Variants in NFIB observed in about 807,000 individuals in gnomAD.
NFIB encodes the protein nuclear factor I B, also known as nuclear factor 1 B-type.
A neutral mutation model predicts 61.5 loss-of-function variants in NFIB; 11 were observed. The ratio of observed to expected loss-of-function variants is 0.18; its 90% CI spans 0.11 to 0.30. NFIB has a LOEUF of 0.30. NFIB is among the 10% of genes least tolerant of loss of function. The pLI is 1.00. For missense variants in NFIB, 471 were observed against 608.9 expected (o/e 0.77, Z 2.38); for synonymous variants, 260 against 216.5 (o/e 1.20, Z -1.76).
intron 1 of NFIB, among the ~76,000 whole-genome samples, chr9:14,338,115 C>G (rs1462336793): frequency 6.6e-6 from 1 of 152,156 alleles, no homozygotes; most frequent in Non-Finnish European, 1.5e-5. Context: ...AAATACGTAG[C>G]CGGGCGCAGT....
chr9:14,499,943 G>A, the NFIB span, among the ~76,000 whole-genome samples: 3 of 152,202 alleles, frequency 2.0e-5, no homozygotes, highest in Admixed American at 6.5e-5. Context: ...TGGTTAATGA[G>A]TGCTTCCTTG....
intron 4 of NFIB, among the ~76,000 whole-genome samples, chr9:14,154,179 T>C (rs2043143872): frequency 6.6e-6 from 1 of 152,166 alleles, no homozygotes; most frequent in South Asian, 2.1e-4. Flanking sequence ...GGTTCTAATG[T>C]GGTTCTCCTT....
upstream of NFIB, among the ~76,000 whole-genome samples, chr9:14,402,857 A>T (rs890795092): frequency 2.0e-5 from 3 of 152,232 alleles, no homozygotes; most frequent in African/African-American, 4.8e-5. Flanking sequence ...AATTTAAAAA[A>T]TAATACTTTT....
the NFIB span, among the ~76,000 whole-genome samples, chr9:14,454,024 G>A: frequency 1.3e-5 from 2 of 152,132 alleles, no homozygotes; most frequent in Admixed American, 6.5e-5. Flanking sequence ...AGCCGAGATC[G>A]CGCCACTGCA....
At chr9:14,428,885 G>A in the NFIB span, among the ~76,000 whole-genome samples, 1 of 152,048 alleles carries the variant, frequency 6.6e-6, no homozygotes, top group Non-Finnish European at 1.5e-5. Context: ...CCTGGGCCAG[G>A]AATCCTTGGA....
At chr9:14,502,905 C>T in the NFIB span, among the ~76,000 whole-genome samples, 1 of 151,988 alleles carries the variant, frequency 6.6e-6, no homozygotes, top group African/African-American at 2.4e-5. Flanking sequence ...TCCCCAAAAT[C>T]CATTGTATCA....
chr9:14,347,955 C>A (rs943388374), intron 1 of NFIB, among the ~76,000 whole-genome samples: 13 of 152,188 alleles, frequency 8.5e-5, no homozygotes, highest in Admixed American at 4.6e-4. Flanking sequence ...TGTCTGGTCT[C>A]CGCGCACCAC....
intron 2 of NFIB, among the ~76,000 whole-genome samples, chr9:14,261,103 T>C (rs374238361): frequency 1.4e-4 from 21 of 152,268 alleles, no homozygotes; most frequent in East Asian, 1.2e-3. Flanking sequence ...GATCACCTGA[T>C]GTCAGGAATT....
chr9:14,225,837 G>A (rs7035453), intron 2 of NFIB, among the ~76,000 whole-genome samples: 45,035 of 151,876 alleles, frequency 0.3, 9,856 homozygotes, highest in African/African-American at 0.59. Flanking sequence ...GTTTTTTAAT[G>A]ATTTTTTTCT....
chr9:14,370,825 T>G (rs965019793), intron 1 of NFIB, among the ~76,000 whole-genome samples: 1 of 152,262 alleles, frequency 6.6e-6, no homozygotes, highest in African/African-American at 2.4e-5. Context: ...CTGGGCACAG[T>G]GGCTCATGCC....
chr9:14,109,207 TA>T, intron 10 of NFIB, among the ~76,000 whole-genome samples: 1 of 152,202 alleles, frequency 6.6e-6, no homozygotes, highest in South Asian at 2.1e-4. Flanking sequence ...GACTGAATTA[TA>T]AAATAATTTC....
chr9:14,233,699 G>A (rs998160064), intron 2 of NFIB, among the ~76,000 whole-genome samples: 1 of 151,996 alleles, frequency 6.6e-6, no homozygotes, highest in East Asian at 1.9e-4. Flanking sequence ...CAAAGTGCTG[G>A]GATTACAGGC....
chr9:14,500,915 G>C, the NFIB span, among the ~76,000 whole-genome samples: 1 of 152,126 alleles, frequency 6.6e-6, no homozygotes, highest in Admixed American at 6.6e-5. Flanking sequence ...AGCCTCTCTC[G>C]TTAAGTCTCC....
chr9:14,204,463 G>A (rs1420934793), intron 2 of NFIB: 1 of 1,050,678 alleles, frequency 9.5e-7, no homozygotes, highest in African/African-American at 1.6e-5. Flanking sequence ...TCCTCTATAA[G>A]CGACTGAAAA....
intron 1 of NFIB, among the ~76,000 whole-genome samples, chr9:14,372,751 C>T (rs2061372535): frequency 6.6e-6 from 1 of 152,086 alleles, no homozygotes; most frequent in South Asian, 2.1e-4. Context: ...TTGCAGTGTC[C>T]CTTTGAGTTG....
intron 9 of NFIB, among the ~76,000 whole-genome samples, chr9:14,115,549 T>G (rs1181273426): frequency 1.3e-5 from 2 of 152,126 alleles, no homozygotes; most frequent in African/African-American, 4.8e-5. Context: ...CTCTGACATT[T>G]AAATGTTATG....
Position 14,138,212 on chromosome 9 carries a change from G to T in NFIB, c.925+8477C>A, listed in dbSNP as rs192193616. 3.0e-3 allele frequency among the ~76,000 whole-genome samples: 453 copies of T among 152,210 alleles called. 1 individual carries two copies. The highest frequency in any genetic ancestry group is 0.01 in the African/African-American group (428 of 41,548). ...GAAAAATAGATATAAACTTAGCCAA[G>T]CACCTGACAGAAAGGAAGGGCTCAA... is the stretch of plus-strand genomic sequence containing the variant. On this transcript the variant is annotated intron_variant, in intron 6 of 10. Transcript: ENST00000380953.
intron 2 of NFIB, among the ~76,000 whole-genome samples, chr9:14,207,894 C>G (rs1389533393): frequency 6.6e-6 from 1 of 152,112 alleles, no homozygotes; most frequent in African/African-American, 2.4e-5. Context: ...CTTTCTCACA[C>G]AGGGCTAAAT....
chr9:14,312,067 G>A (rs1212989163), intron 1 of NFIB, among the ~76,000 whole-genome samples: 2 of 152,180 alleles, frequency 1.3e-5, no homozygotes, highest in Non-Finnish European at 2.9e-5. Context: ...AAATTAAAGT[G>A]CGTGTTTACT....
Sources: allele counts gnomAD v4.1 joint callset (sites outside exome capture counted in the v4.1 genomes callset), GRCh38; gene constraint gnomAD v4.1.1; transcripts MANE v1.5; gene names NCBI Gene and HGNC (gene_info 2026-07-23, HGNC 2026-07-21).